Variants in MCPH1 observed in about 807,000 individuals in gnomAD.
The protein encoded by MCPH1 is microcephalin 1.
A neutral mutation model predicts 84.5 loss-of-function variants in MCPH1; 104 were observed. The observed-to-expected ratio is 1.23, with a 90% CI of 1.05 to 1.45. The LOEUF is 1.45. Ranked by LOEUF, MCPH1 falls within the 40% of genes most tolerant of loss-of-function variation. MCPH1 has a pLI of 0.00. For missense variants in MCPH1, 1,498 were observed against 1,005.7 expected (o/e 1.49, Z -6.62); for synonymous variants, 514 against 366.8 (o/e 1.40, Z -4.58).
At chr8:6,608,463 G>A (rs1013624152) in intron 12 of MCPH1, among the ~76,000 whole-genome samples, 6 of 152,196 alleles carry the variant, frequency 3.9e-5, no homozygotes. Context: ...TAACCTTCAA[G>A]CTTGTTAGAA....
intron 13 of MCPH1, among the ~76,000 whole-genome samples, chr8:6,633,890 AAG>A (rs1468142466): frequency 1.3e-5 from 2 of 152,312 alleles, no homozygotes; most frequent in African/African-American, 4.8e-5. Flanking sequence ...TGATCAGAAA[AAG>A]AGGAATAATT....
chr8:6,463,537 A>G (rs557255392), intron 9 of MCPH1, among the ~76,000 whole-genome samples: 4 of 152,116 alleles, frequency 2.6e-5, no homozygotes, highest in Non-Finnish European at 5.9e-5. Context: ...ATCCCCAGAG[A>G]AGGAGCCTTG....
intron 12 of MCPH1, among the ~76,000 whole-genome samples, chr8:6,506,509 A>G (rs1300480866): frequency 2.0e-5 from 3 of 152,214 alleles, no homozygotes; most frequent in Non-Finnish European, 4.4e-5. Flanking sequence ...GGGTGGTCTA[A>G]TAAGCACACC....
At chr8:6,557,688 T>TACAC (rs112788253) in intron 12 of MCPH1, among the ~76,000 whole-genome samples, 94,347 of 148,586 alleles carry the variant, frequency 0.63, 33,260 homozygotes, top group Non-Finnish European at 0.79. Context: ...TATGTGTGTG[T>TACAC]ACACACACAC....
At chr8:6,626,264 T>C (rs1832063282) in intron 13 of MCPH1, 3 of 985,346 alleles carry the variant, frequency 3.0e-6, no homozygotes, top group Non-Finnish European at 3.6e-6. Flanking sequence ...GTATACAAAA[T>C]GTAAGCCACG....
At chr8:6,516,998 C>G (rs1351463861) in intron 12 of MCPH1, among the ~76,000 whole-genome samples, 2 of 152,088 alleles carry the variant, frequency 1.3e-5, no homozygotes, top group African/African-American at 4.8e-5. Context: ...AGTACTTCAT[C>G]CAGGTTTTTA....
chr8:6,578,149 G>T (rs906162751), intron 12 of MCPH1, among the ~76,000 whole-genome samples: 1 of 152,218 alleles, frequency 6.6e-6, no homozygotes, highest in Non-Finnish European at 1.5e-5. Flanking sequence ...GTCCCGATGG[G>T]CATTTGGACA....
At chr8:6,567,549 A>G (rs1023994371) in intron 12 of MCPH1, among the ~76,000 whole-genome samples, 3 of 152,192 alleles carry the variant, frequency 2.0e-5, no homozygotes, top group African/African-American at 7.2e-5. Flanking sequence ...GGGGCCAGGA[A>G]GTGGCCTGGG....
intron 12 of MCPH1, among the ~76,000 whole-genome samples, chr8:6,547,073 G>GAAGA (rs1822730413): frequency 6.6e-6 from 1 of 152,010 alleles, no homozygotes; most frequent in Admixed American, 6.6e-5. Context: ...TTGCCTTCGG[G>GAAGA]CTAATGCGTT....
chr8:6,612,530 C>T (rs1007958693), intron 12 of MCPH1, among the ~76,000 whole-genome samples: 1 of 152,208 alleles, frequency 6.6e-6, no homozygotes, highest in African/African-American at 2.4e-5. Context: ...GGTGCCTGCC[C>T]CGCTCAGTGC....
intron 3 of MCPH1, among the ~76,000 whole-genome samples, chr8:6,418,815 C>T (rs979408037): frequency 6.6e-6 from 1 of 152,012 alleles, no homozygotes; most frequent in Non-Finnish European, 1.5e-5. Context: ...CTTCTGACCT[C>T]GTGATCTGCC....
intron 12 of MCPH1, among the ~76,000 whole-genome samples, chr8:6,601,604 A>T (rs1272312147): frequency 6.7e-6 from 1 of 149,348 alleles, no homozygotes; most frequent in African/African-American, 2.5e-5. Flanking sequence ...AAATACACAC[A>T]CCATACACAC....
At chr8:6,576,273 A>T (rs3020242) in intron 12 of MCPH1, among the ~76,000 whole-genome samples, 154 of 152,092 alleles carry the variant, frequency 1.0e-3, no homozygotes, top group Middle Eastern at 6.8e-3. Context: ...CAGCCACCCT[A>T]TAAAAGAAGG....
At chr8:6,609,823 C>CG (rs761755879) in intron 12 of MCPH1, among the ~76,000 whole-genome samples, 1 of 126,494 alleles carries the variant, frequency 7.9e-6, no homozygotes, top group African/African-American at 2.7e-5. Flanking sequence ...CCCCCCGCCC[C>CG]CCCCCCACAC....
At chr8:6,483,072 G>A (rs1228895213) in intron 11 of MCPH1, among the ~76,000 whole-genome samples, 1 of 152,238 alleles carries the variant, frequency 6.6e-6, no homozygotes. Flanking sequence ...AGTTGAGCAA[G>A]TCATCCAGAT....
intron 12 of MCPH1, among the ~76,000 whole-genome samples, chr8:6,578,585 A>T (rs3020243): frequency 0.78 from 118,267 of 152,196 alleles, 46,084 homozygotes; most frequent in East Asian, 0.94. Context: ...AGAATATTTC[A>T]TTGCTACCAA....
chr8:6,497,134 T>C (rs1158285795), intron 11 of MCPH1, among the ~76,000 whole-genome samples: 1 of 152,100 alleles, frequency 6.6e-6, no homozygotes, highest in Admixed American at 6.6e-5. Flanking sequence ...TACCGATATT[T>C]AGCTATAATC....
intron 3 of MCPH1, among the ~76,000 whole-genome samples, chr8:6,427,079 C>T (rs543484833): frequency 1.3e-5 from 2 of 152,300 alleles, no homozygotes; most frequent in African/African-American, 4.8e-5. Context: ...TAAACCTCTA[C>T]AGCATGTGCA....
chr8:6,596,361 C>G lies in MCPH1; in HGVS notation c.2215-25093C>G, dbSNP rs149258304. 1.9e-4 allele frequency among the ~76,000 whole-genome samples: 29 copies of G among 152,270 alleles called. No homozygotes were observed. In the East Asian group the frequency reaches 5.6e-3, roughly 29 times the overall value. On this transcript the variant is annotated intron_variant, in intron 12 of 13. Coordinates refer to ENST00000344683, the MANE Select transcript of MCPH1 (RefSeq NM_024596.5). ...CATGAGTGGGTCTATGGCACAGCCCCCTGCCTGCATCATGGCAGGTTATAC... is the reference window on the plus strand; with the variant it reads ...CATGAGTGGGTCTATGGCACAGCCCGCTGCCTGCATCATGGCAGGTTATAC...
Sources: gnomAD v4.1 joint callset for allele counts (sites outside exome capture counted in the v4.1 genomes callset) on GRCh38, gnomAD v4.1.1 for gene constraint, MANE v1.5 for transcripts, NCBI Gene and HGNC (gene_info 2026-07-23, HGNC 2026-07-21) for gene names.